The following NPM2 variants were observed in gnomAD, a reference collection of about 807,000 sequenced individuals.
NPM2 encodes the protein nucleophosmin/nucleoplasmin 2.
Under a neutral mutation model 32.0 loss-of-function variants are expected in NPM2, and 25 were observed. That is an observed-to-expected ratio of 0.78 (90% CI 0.57 to 1.09). The LOEUF is 1.09. NPM2 is among the 50% of genes least tolerant of loss of function. NPM2 has a pLI of 0.00. For synonymous variants in NPM2, 111 were observed against 94.2 expected (o/e 1.18, Z -1.04); for missense variants, 282 against 259.9 (o/e 1.08, Z -0.58).
intron 5 of NPM2, among the ~76,000 whole-genome samples, chr8:22,031,506 C>T (rs7832665): frequency 0.63 from 96,394 of 152,154 alleles, 32,208 homozygotes; most frequent in East Asian, 0.83. Context: ...CACGCAGTGG[C>T]GCAATCTCGG....
chr8:22,030,873 T>C (rs1350155139), intron 5 of NPM2, among the ~76,000 whole-genome samples: 1 of 152,162 alleles, frequency 6.6e-6, no homozygotes, highest in Non-Finnish European at 1.5e-5. Context: ...AGATCAGTGT[T>C]CTAAGTTCTT....
At chr8:22,029,844 T>C (rs1800376523) in intron 5 of NPM2, among the ~76,000 whole-genome samples, 1 of 152,210 alleles carries the variant, frequency 6.6e-6, no homozygotes, top group African/African-American at 2.4e-5. Context: ...ATTATTCCCT[T>C]TTTGGAGATG....
rs796958526 is a variant in NPM2, at chr8:22,030,851, T to C, written c.271-2279T>C. 2.6e-4 allele frequency among the ~76,000 whole-genome samples: 40 copies of C among 152,262 alleles called. No homozygotes were observed. The Middle Eastern group carries it at 0.017, about 65-fold the overall frequency. ...GTGCACCAACACACCCAGCTTTATC[T>C]GATATTTTTTTAGATCAGTGTTCTA... is the stretch of plus-strand genomic sequence containing the variant. On this transcript the variant is annotated intron_variant, in intron 5 of 9. Coordinates refer to ENST00000518119, the MANE Select transcript of NPM2 (RefSeq NM_001286680.2).
chr8:22,029,029 AT>A (rs140073714), intron 5 of NPM2, among the ~76,000 whole-genome samples: 19,828 of 152,060 alleles, frequency 0.13, 1,808 homozygotes, highest in East Asian at 0.31. Flanking sequence ...TCTCATTCTA[AT>A]TTTTTTACTG....
In NPM2 at chr8:22,025,290, G is replaced by A. The variant is rs372304710; in HGVS notation, c.42G>A (p.Val14=). 6.8e-6 allele frequency: 11 copies of A among 1,610,892 alleles called. No homozygotes were observed. The highest frequency in any genetic ancestry group is 9.3e-6 in the Non-Finnish European group (11 of 1,178,920). The change falls in exon 3 of 10, where the codon GTG becomes GTA. Residue 14 remains valine (V), a synonymous_variant. Coordinates refer to ENST00000518119, the MANE Select transcript of NPM2 (RefSeq NM_001286680.2). ...CCAGTAGCACGGAGGAAAAGGCAGT[G>A]ACGACCGTGCTCTGGGGTGAGTGGG... The part of the protein sequence containing the change: ...SSASSTEEKA[V]TTVLWGCELS...
rs1295170817 is a variant in NPM2 at position 22,024,184 on chromosome 8, C to T, written c.-580C>T. 1.3e-5 allele frequency: 2 copies of T among 152,790 alleles called. No homozygotes were observed. The highest frequency in any genetic ancestry group is 2.9e-5 in the Non-Finnish European group (2 of 68,254). 9.5% of individuals were successfully genotyped at this position (152,790 alleles called of 1,614,324 possible). A position where few individuals can be genotyped will look rare whatever the true frequency, so the allele number is the denominator to read the frequency against. ...GCGCCTCGCCTCCCGGCTCACCTCC[C>T]CACCCCACCTGCCCGCTGCGGCTCT... On this transcript the variant is annotated 5_prime_UTR_variant, in exon 1 of 10. Transcript: ENST00000518119.
intron 5 of NPM2, among the ~76,000 whole-genome samples, chr8:22,028,485 A>T (rs1391812624): frequency 2.9e-5 from 4 of 139,308 alleles, no homozygotes; most frequent in Admixed American, 2.2e-4. Flanking sequence ...TGCCCAGCTG[A>T]TTTTTTTTTT....
chr8:22,036,458 C>A (rs776300918), intron 8 of NPM2, 35 bp from the exon 9 acceptor site: 15 of 1,593,582 alleles, frequency 9.4e-6, no homozygotes, highest in East Asian at 2.3e-5. Flanking sequence ...TCCCTGACCC[C>A]AATCCCACTC....
chr8:22,036,581 G>A, intron 9 of NPM2, 55 bp downstream of exon 9: 1 of 1,562,726 alleles, frequency 6.4e-7, no homozygotes, highest in Non-Finnish European at 8.7e-7. Flanking sequence ...TCTCTGGAGG[G>A]GGCTGCCTGG....
chr8:22,032,958 A>C, intron 5 of NPM2, 172 bp from the exon 6 acceptor site: 1 of 597,534 alleles, frequency 1.7e-6, no homozygotes, highest in Non-Finnish European at 3.0e-6. Flanking sequence ...CTGTGAGCTT[A>C]GCAAGAATGG....
At chr8:22,026,043 C>T (rs897812839) in intron 5 of NPM2, among the ~76,000 whole-genome samples, 4 of 152,148 alleles carry the variant, frequency 2.6e-5, no homozygotes, top group African/African-American at 9.7e-5. Flanking sequence ...TGTTAGGAAC[C>T]AGGCAGCACA....
chr8:22,027,259 T>G (rs1042513577), intron 5 of NPM2, among the ~76,000 whole-genome samples: 1 of 152,200 alleles, frequency 6.6e-6, no homozygotes, highest in Non-Finnish European at 1.5e-5. Flanking sequence ...AATGGAAGAC[T>G]AGGATCAGCT....
At chr8:22,033,347 A>G in intron 6 of NPM2, 124 bp downstream of exon 6, 1 of 790,832 alleles carries the variant, frequency 1.3e-6, no homozygotes. Flanking sequence ...CAAAGGCAAC[A>G]TGACAGCCAG....
Position 22,036,726 on chromosome 8 carries a change from G to A in NPM2, c.*44G>A, listed in dbSNP as rs1247044533. ...GCACGGTGCAAAGTGGGCCTTCCCT[G>A]GGCTGTGCTGCAGGCACAGGGTGCC... On this transcript the variant is annotated 3_prime_UTR_variant, in exon 10 of 10. Coordinates refer to ENST00000518119, the MANE Select transcript of NPM2 (RefSeq NM_001286680.2). 6.6e-7 allele frequency: 1 copy of A among 1,521,198 alleles called. No individual in the cohort carries two copies. The highest frequency in any genetic ancestry group is 8.8e-7 in the Non-Finnish European group (1 of 1,135,980). The allele number at this position is 1,521,198 out of a possible 1,614,324, so 94.2% of individuals were successfully genotyped here.
At chr8:22,028,305 G>A (rs1800322016) in intron 5 of NPM2, among the ~76,000 whole-genome samples, 2 of 146,354 alleles carry the variant, frequency 1.4e-5, no homozygotes, top group African/African-American at 5.1e-5. Context: ...TTAACAGAAA[G>A]TTTCCTGGTC....
At chr8:22,026,418 A>G (rs972504723) in intron 5 of NPM2, among the ~76,000 whole-genome samples, 31 of 149,616 alleles carry the variant, frequency 2.1e-4, no homozygotes, top group African/African-American at 7.1e-4. Context: ...TAAGTTTTCT[A>G]TGCATATAAT....
intron 9 of NPM2, 25 bp from the exon 10 acceptor site, chr8:22,036,613 C>T: frequency 7.1e-6 from 11 of 1,552,752 alleles, no homozygotes; most frequent in Non-Finnish European, 7.8e-6. Context: ...GAACGGGACC[C>T]TGGAGCCCTG....
intron 2 of NPM2, 105 bp downstream of exon 2, chr8:22,024,935 A>C: frequency 5.0e-6 from 2 of 397,932 alleles, no homozygotes; most frequent in Non-Finnish European, 9.0e-6. Flanking sequence ...AAGCGCAGCC[A>C]GGTGACCTCC....
rs1249129661 is a variant in NPM2 at position 22,025,682 on chromosome 8, T to C, written c.180T>C (p.His60=). 2 of 1,614,070 alleles carry C rather than the reference T, an allele frequency of 1.2e-6. No homozygotes were observed. Among genetic ancestry groups the C allele is most frequent in the Middle Eastern group, 3.3e-4 (2 of 6,062 alleles). Residue 60 remains histidine (H), a synonymous_variant, in exon 5 of 10, where the codon CAT becomes CAC. Coordinates refer to ENST00000518119, the MANE Select transcript of NPM2 (RefSeq NM_001286680.2). ...GGGAGAAAGCCAAAGAGGAGATGCA[T>C]CGCGTGGAGATCCTGCCCCCAGCAA... ...CLGEKAKEEM[H]RVEILPPANQ... is the part of the protein sequence containing the mutation.
Sources: allele counts gnomAD v4.1 joint callset (sites outside exome capture counted in the v4.1 genomes callset), GRCh38; gene constraint gnomAD v4.1.1; transcripts MANE v1.5; gene names NCBI Gene and HGNC (gene_info 2026-07-23, HGNC 2026-07-21).